Variants in SAR1A observed in about 807,000 individuals in gnomAD.
SAR1A encodes secretion associated Ras related GTPase 1A, also known as small COPII coat GTPase SAR1A.
In SAR1A, 6 loss-of-function variants were observed where a neutral mutation model predicts 22.6. The ratio of observed to expected loss-of-function variants is 0.27; its 90% CI spans 0.15 to 0.52. The LOEUF is 0.52. Among genes scored for constraint, SAR1A ranks in the 20% least tolerant of loss-of-function variants. SAR1A has a pLI of 0.96. For synonymous variants in SAR1A, 70 were observed against 82.2 expected, an observed-to-expected ratio of 0.85 and a Z score of 0.80; for missense variants, 145 against 245.1, an observed-to-expected ratio of 0.59 and a Z score of 2.73.
At chr10:70,168,414 G>A (rs1839580326) in intron 1 of SAR1A, among the ~76,000 whole-genome samples, 1 of 152,084 alleles carries the variant, frequency 6.6e-6, no homozygotes, top group Non-Finnish European at 1.5e-5. Flanking sequence ...GGCCAACATG[G>A]TGAAACCCCA....
chr10:70,152,909 AT>A (rs1280443354), intron 6 of SAR1A, among the ~76,000 whole-genome samples: 1 of 152,226 alleles, frequency 6.6e-6, no homozygotes, highest in Non-Finnish European at 1.5e-5. Context: ...ATGCCCTCTG[AT>A]GCAGAAAAGA....
intron 1 of SAR1A, among the ~76,000 whole-genome samples, chr10:70,165,490 T>C (rs750031760): frequency 1.9e-4 from 29 of 152,016 alleles, no homozygotes; most frequent in Admixed American, 6.5e-4. Flanking sequence ...CTTTGAGGGG[T>C]TCGAGACTTT....
chr10:70,153,819 C>G lies in SAR1A; in HGVS notation c.480+19G>C. On this transcript the variant is annotated intron_variant, in intron 6 of 6. Coordinates refer to ENST00000373241, the MANE Select transcript of SAR1A (RefSeq NM_020150.5). ...ACTGTTAATGTCCTTTATATGTAAC[C>G]CAAATATTTTTCTCTTACCTTTCCT... is the stretch of plus-strand genomic sequence containing the variant. 1 of 1,565,626 alleles carries G rather than the reference C, an allele frequency of 6.4e-7. No homozygotes were observed. Among genetic ancestry groups the G allele is most frequent in the Non-Finnish European group, 8.6e-7 (1 of 1,163,774 alleles).
At chr10:70,170,336 T>A (rs917335941) in intron 1 of SAR1A, 77 bp downstream of exon 1, 1 of 38,800 alleles carries the variant, frequency 2.6e-5, no homozygotes, top group Admixed American at 3.8e-4. Flanking sequence ...AGGGCCAGCC[T>A]CCGCTCCGAC....
At chr10:70,157,401 C>CAAAAAAAAAAAA (rs55801259) in intron 5 of SAR1A, among the ~76,000 whole-genome samples, 1 of 131,240 alleles carries the variant, frequency 7.6e-6, no homozygotes, top group African/African-American at 3.0e-5. Flanking sequence ...AAGACTCCGT[C>CAAAAAAAAAAAA]AAAAAAAAAA....
chr10:70,167,492 A>C lies in SAR1A; in HGVS notation c.-17+2921T>G, dbSNP rs933186534. ...GCAGCGCTTGCTTGTAATCCCAGCT[A>C]TGCAGAAGGCTGAGGCAGGAGAAAC... On this transcript the variant is annotated intron_variant, in intron 1 of 6. Coordinates refer to ENST00000373241, the MANE Select transcript of SAR1A (RefSeq NM_020150.5). 5 of 152,342 alleles carry C rather than the reference A, an allele frequency of 3.3e-5. No homozygotes were observed. In the East Asian group the frequency reaches 9.6e-4, roughly 29 times the overall value. 9.4% of individuals were successfully genotyped at this position (152,342 alleles called of 1,614,324 possible). A position where few individuals can be genotyped will look rare whatever the true frequency, so the allele number is the denominator to read the frequency against.
intron 1 of SAR1A, among the ~76,000 whole-genome samples, chr10:70,166,277 C>T (rs1055001660): frequency 1.9e-4 from 29 of 152,194 alleles, no homozygotes; most frequent in Non-Finnish European, 4.1e-4. Context: ...GTGACTTACT[C>T]CTCCAGGCAG....
chr10:70,151,535 TCC>T lies in SAR1A; in HGVS notation c.*939_*940del, dbSNP rs1392650683. ...TCCTGTCTTCCTATTCAGAAAAATG[TCC>T]CCCTAGAATCTGTGCAAAAGTAACT... On this transcript the variant is annotated 3_prime_UTR_variant, in exon 7 of 7. Coordinates refer to ENST00000373241, the MANE Select transcript of SAR1A (RefSeq NM_020150.5). 6.6e-6 allele frequency: 1 copy of T among 152,398 alleles called. No homozygotes were observed. The highest frequency in any genetic ancestry group is 2.4e-5 in the African/African-American group (1 of 41,406). The allele number at this position is 152,398 out of a possible 1,614,324, so 9.4% of individuals were successfully genotyped here.
chr10:70,169,690 G>A (rs977616106), intron 1 of SAR1A, among the ~76,000 whole-genome samples: 2 of 152,196 alleles, frequency 1.3e-5, no homozygotes, highest in African/African-American at 4.8e-5. Context: ...GCTTAGCTGC[G>A]GGGTAAATGT....
chr10:70,158,614 A>C (rs118157250), intron 4 of SAR1A, among the ~76,000 whole-genome samples: 1 of 152,220 alleles, frequency 6.6e-6, no homozygotes, highest in Non-Finnish European at 1.5e-5. Context: ...CCATCTCTAC[A>C]TCAGTTAATA....
intron 1 of SAR1A, among the ~76,000 whole-genome samples, chr10:70,169,990 C>A (rs870801): frequency 0.38 from 57,695 of 151,942 alleles, 11,987 homozygotes; most frequent in East Asian, 0.56. Context: ...AGCGCTCACA[C>A]TCGCTAACTG....
intron 5 of SAR1A, among the ~76,000 whole-genome samples, chr10:70,154,510 TC>T (rs141341437): frequency 0.57 from 81,329 of 141,828 alleles, 22,201 homozygotes; most frequent in East Asian, 0.71. Context: ...ATGTTTTTTT[TC>T]TTTTTTCTTA....
intron 1 of SAR1A, among the ~76,000 whole-genome samples, chr10:70,165,122 G>A (rs867200040): frequency 5.3e-5 from 8 of 151,856 alleles, no homozygotes; most frequent in Non-Finnish European, 7.4e-5. Flanking sequence ...AAAATTAGCC[G>A]GGCGTAGTGG....
Position 70,161,883 on chromosome 10 carries a change from G to A in SAR1A, c.33C>T (p.Gly11=). The A allele has an allele frequency of 6.2e-7, 1 of 1,613,098 alleles. No individual in the cohort carries two copies. MSFIFEWIYN[G]FSSVLQFLGL... ...CTAGGAACTGGAGCACACTGCTGAA[G>A]CCATTGTAGATCCACTCAAAGATGA... Residue 11 remains glycine (G), a synonymous_variant, in exon 2 of 7, where the codon GGC becomes GGT. Transcript: ENST00000373241.
At chr10:70,164,978 G>T (rs777103217) in intron 1 of SAR1A, among the ~76,000 whole-genome samples, 3 of 152,204 alleles carry the variant, frequency 2.0e-5, no homozygotes, top group Non-Finnish European at 2.9e-5. Flanking sequence ...GGATCAAGGA[G>T]TATTTTCGAT....
chr10:70,166,710 G>T (rs1285010688), intron 1 of SAR1A: 1 of 151,396 alleles, frequency 6.6e-6, no homozygotes, highest in African/African-American at 2.4e-5. Context: ...TTCAGGCCGG[G>T]CCCCCGTGGC....
chr10:70,150,612 C>T lies in SAR1A; in HGVS notation c.*1864G>A, dbSNP rs548446064. ...GAAGTAATCATACTTCTCATGTCTC[C>T]GAACAGAGAAGTATGGGGGACCTTT... On this transcript the variant is annotated 3_prime_UTR_variant, in exon 7 of 7. Transcript: ENST00000373241. 4.6e-5 allele frequency: 7 copies of T among 152,166 alleles called. No homozygotes were observed. The South Asian group carries it at 6.2e-4, about 14-fold the overall frequency. The allele number at this position is 152,166 out of a possible 1,614,324, so 9.4% of individuals were successfully genotyped here.
At chr10:70,157,463 A>T (rs548914944) in intron 5 of SAR1A, among the ~76,000 whole-genome samples, 3 of 152,072 alleles carry the variant, frequency 2.0e-5, no homozygotes, top group Admixed American at 6.5e-5. Flanking sequence ...GAAACAGAAT[A>T]CTATTAATTA....
Position 70,151,087 on chromosome 10 carries a change from A to C in SAR1A, c.*1389T>G, listed in dbSNP as rs1839319617. On this transcript the variant is annotated 3_prime_UTR_variant, in exon 7 of 7. Transcript: ENST00000373241. ...CCAATTTCACATGTGGCACTAGGAA[A>C]ATGGAATGCTATAAAATTAATCCCC... The C allele has an allele frequency of 6.6e-6, 1 of 152,084 alleles. No individual in the cohort carries two copies. Among genetic ancestry groups the C allele is most frequent in the South Asian group, 2.1e-4 (1 of 4,824 alleles). The allele number at this position is 152,084 out of a possible 1,614,324, so 9.4% of individuals were successfully genotyped here.
Sources: gnomAD v4.1 joint callset for allele counts (sites outside exome capture counted in the v4.1 genomes callset) on GRCh38, gnomAD v4.1.1 for gene constraint, MANE v1.5 for transcripts, NCBI Gene and HGNC (gene_info 2026-07-23, HGNC 2026-07-21) for gene names.